CORIN: variants seen among roughly 807,000 people sequenced by gnomAD.
The protein encoded by CORIN is atrial natriuretic peptide-converting enzyme.
CORIN carries 117 observed loss-of-function variants against 125.3 expected under a neutral mutation model. The observed-to-expected ratio is 0.93, with a 90% CI of 0.80 to 1.09. CORIN has a LOEUF of 1.09. Ranked by LOEUF, CORIN falls within the 50% of genes least tolerant of loss-of-function variation. The pLI, the probability that CORIN is intolerant of heterozygous loss-of-function variation, is 0.00. For missense variants in CORIN, 1,253 were observed against 1,306.7 expected (o/e 0.96, Z 0.63); for synonymous variants, 450 against 466.4 (o/e 0.96, Z 0.45).
chr4:47,665,519 AT>A (rs1314058309), intron 10 of CORIN, among the ~76,000 whole-genome samples: 2 of 151,824 alleles, frequency 1.3e-5, no homozygotes, highest in Non-Finnish European at 2.9e-5. Flanking sequence ...GTCCTTCCTC[AT>A]TTTTTCCCTT....
intron 12 of CORIN, among the ~76,000 whole-genome samples, chr4:47,661,222 C>T (rs1724235388): frequency 6.6e-6 from 1 of 151,560 alleles, no homozygotes; most frequent in African/African-American, 2.4e-5. Flanking sequence ...TTAATTGGTA[C>T]AGAAATATAG....
intron 2 of CORIN, among the ~76,000 whole-genome samples, chr4:47,795,430 C>A (rs1484735549): frequency 6.6e-6 from 1 of 152,006 alleles, no homozygotes; most frequent in African/African-American, 2.4e-5. Flanking sequence ...AATGTCTTTT[C>A]ATTTATTTGT....
intron 19 of CORIN, among the ~76,000 whole-genome samples, chr4:47,620,166 G>A (rs1169825792): frequency 6.6e-6 from 1 of 152,120 alleles, no homozygotes; most frequent in Non-Finnish European, 1.5e-5. Context: ...AACAAAACAT[G>A]TATCCATCTG....
At chr4:47,741,499 T>G (rs1253936083) in intron 5 of CORIN, among the ~76,000 whole-genome samples, 1 of 152,054 alleles carries the variant, frequency 6.6e-6, no homozygotes, top group Non-Finnish European at 1.5e-5. Context: ...TTCCTCAAAA[T>G]GTTAAACATA....
At chr4:47,619,997 T>C (rs59457536) in intron 19 of CORIN, among the ~76,000 whole-genome samples, 27 of 152,334 alleles carry the variant, frequency 1.8e-4, no homozygotes, top group African/African-American at 6.3e-4. Context: ...TTGAAAGCTC[T>C]CAAGCGAAGG....
intron 1 of CORIN, 29 bp from the exon 2 acceptor site, chr4:47,807,076 G>A (rs1274154763): frequency 4.4e-6 from 7 of 1,582,464 alleles, no homozygotes; most frequent in South Asian, 3.4e-5. Flanking sequence ...ATGCAACATG[G>A]TTTTAGTTTT....
At chr4:47,722,453 C>G (rs1727392503) in intron 5 of CORIN, among the ~76,000 whole-genome samples, 1 of 152,130 alleles carries the variant, frequency 6.6e-6, no homozygotes. Flanking sequence ...CATTTCAAAC[C>G]TGCTATGGCA....
chr4:47,776,459 A>T (rs1354748080), intron 3 of CORIN, among the ~76,000 whole-genome samples: 1 of 152,136 alleles, frequency 6.6e-6, no homozygotes, highest in East Asian at 1.9e-4. Flanking sequence ...CTCCCATATT[A>T]TTCATTTAAA....
At chr4:47,780,276 A>G (rs1730479040) in intron 3 of CORIN, among the ~76,000 whole-genome samples, 1 of 152,120 alleles carries the variant, frequency 6.6e-6, no homozygotes, top group African/African-American at 2.4e-5. Flanking sequence ...GGATGGAGAA[A>G]ACTATAAAAT....
intron 5 of CORIN, among the ~76,000 whole-genome samples, chr4:47,732,882 G>A (rs1727947213): frequency 6.6e-6 from 1 of 151,804 alleles, no homozygotes; most frequent in Non-Finnish European, 1.5e-5. Context: ...CTCTTTATTG[G>A]CCTGTTTCCC....
intron 1 of CORIN, among the ~76,000 whole-genome samples, chr4:47,817,367 G>A (rs1377850964): frequency 6.6e-6 from 1 of 151,876 alleles, no homozygotes; most frequent in Non-Finnish European, 1.5e-5. Context: ...GTATGGAGTG[G>A]TACTAGGGTA....
chr4:47,741,485 G>T (rs1728394012), intron 5 of CORIN, among the ~76,000 whole-genome samples: 1 of 151,948 alleles, frequency 6.6e-6, no homozygotes, highest in Non-Finnish European at 1.5e-5. Context: ...TGTAGGAATG[G>T]CATTTCCTCA....
Position 47,798,650 on chromosome 4 carries a change from G to T in CORIN, c.208+8253C>A, listed in dbSNP as rs1414138735. 2.0e-5 allele frequency among the ~76,000 whole-genome samples: 3 copies of T among 151,922 alleles called. No individual in the cohort carries two copies. The East Asian group carries it at 5.8e-4, about 29-fold the overall frequency. On this transcript the variant is annotated intron_variant, in intron 2 of 21. Transcript: ENST00000273857. ...TCAATATGGCTATATTAAATCATCT[G>T]GTACAGAATTTATTAAAAGAATGTT...
At chr4:47,826,923 A>G (rs1477613488) in intron 1 of CORIN, among the ~76,000 whole-genome samples, 1 of 152,212 alleles carries the variant, frequency 6.6e-6, no homozygotes, top group Non-Finnish European at 1.5e-5. Context: ...AAGACTTGTT[A>G]TGAAAAAAAG....
chr4:47,783,952 A>G (rs986990557), intron 3 of CORIN, among the ~76,000 whole-genome samples: 14 of 152,170 alleles, frequency 9.2e-5, no homozygotes, highest in African/African-American at 3.4e-4. Context: ...AAAGAAAACA[A>G]TAAGATTAAA....
intron 2 of CORIN, among the ~76,000 whole-genome samples, chr4:47,796,402 G>A (rs1158759656): frequency 6.6e-6 from 1 of 152,072 alleles, no homozygotes; most frequent in African/African-American, 2.4e-5. Flanking sequence ...GAAGCAGAAA[G>A]CAGAATGGCG....
chr4:47,837,855 G>C, intron 1 of CORIN, 32 bp downstream of exon 1: 1 of 1,592,334 alleles, frequency 6.3e-7, no homozygotes, highest in Non-Finnish European at 8.6e-7. Flanking sequence ...ATCACACCTG[G>C]CTGCGGTAGG....
At chr4:47,817,636 T>G (rs1242545860) in intron 1 of CORIN, among the ~76,000 whole-genome samples, 1 of 152,200 alleles carries the variant, frequency 6.6e-6, no homozygotes, top group Non-Finnish European at 1.5e-5. Flanking sequence ...AGATGTGAGC[T>G]TCTAGTTTTG....
chr4:47,778,073 A>G (rs73150660), intron 3 of CORIN, among the ~76,000 whole-genome samples: 1,859 of 152,216 alleles, frequency 0.012, 52 homozygotes, highest in African/African-American at 0.042. Flanking sequence ...GACCAGTATT[A>G]TTTTTACAAT....
Sources: allele counts gnomAD v4.1 joint callset (sites outside exome capture counted in the v4.1 genomes callset), GRCh38; gene constraint gnomAD v4.1.1; transcripts MANE v1.5; gene names NCBI Gene and HGNC (gene_info 2026-07-23, HGNC 2026-07-21).